ABCA4: variants seen among roughly 807,000 people sequenced by gnomAD.
ABCA4 encodes the protein ATP binding cassette subfamily A member 4.
ABCA4 carries 196 observed loss-of-function variants against 263.7 expected under a neutral mutation model. The ratio of observed to expected loss-of-function variants is 0.74; its 90% CI spans 0.66 to 0.84. ABCA4 has a LOEUF of 0.84. ABCA4 is among the 40% of genes least tolerant of loss of function. The pLI is 0.00. For missense variants in ABCA4, 2,792 were observed against 2,855.1 expected, an observed-to-expected ratio of 0.98 and a Z score of 0.50; for synonymous variants, 1,133 against 1,094.2, an observed-to-expected ratio of 1.04 and a Z score of -0.70.
chr1:94,033,875 T>C (rs1441204659), intron 26 of ABCA4, among the ~76,000 whole-genome samples: 4 of 152,156 alleles, frequency 2.6e-5, no homozygotes, highest in African/African-American at 9.7e-5. Flanking sequence ...ATGTCTTCTA[T>C]GGCTGGCCCT....
chr1:94,029,421 C>A (rs1217120255), intron 30 of ABCA4, 24 bp downstream of exon 30: 3 of 1,536,746 alleles, frequency 2.0e-6, no homozygotes, highest in East Asian at 2.4e-5. Flanking sequence ...AGACCTGGGG[C>A]CCCGTTGTTT....
At chr1:93,997,569 T>C (rs1446324201) in intron 48 of ABCA4, among the ~76,000 whole-genome samples, 2 of 151,570 alleles carry the variant, frequency 1.3e-5, no homozygotes, top group African/African-American at 2.4e-5. Context: ...TACACATCAA[T>C]AAAGCTGATT....
At chr1:94,110,999 C>A (rs1662585568) in intron 3 of ABCA4, among the ~76,000 whole-genome samples, 1 of 152,184 alleles carries the variant, frequency 6.6e-6, no homozygotes, top group African/African-American at 2.4e-5. Context: ...TTTACCTTCC[C>A]AATGCTCCCT....
At position 94,023,389 on chromosome 1, in the gene ABCA4, T is replaced by C. The variant is rs780931193; in HGVS notation, c.4664A>G (p.Gln1555Arg). 2 of 1,607,318 alleles carry C rather than the reference T, an allele frequency of 1.2e-6. No homozygotes were observed. The highest frequency in any genetic ancestry group is 2.7e-5 in the African/African-American group (2 of 74,792). Residue 1555 changes from glutamine to arginine, a missense_variant, in exon 32 of 50, where the codon CAG (glutamine) becomes CGG (arginine). Transcript: ENST00000370225. ...TCTGATAAAAATAGTTTCTTACCTC[T>C]GTTCATTGACCCAGAATTTGCTCTT... Reference protein sequence around the residue: ...SLKSKFWVNEQRYGGISIGGK... With the variant: ...SLKSKFWVNERRYGGISIGGK...
chr1:94,081,180 G>A (rs999647858), intron 7 of ABCA4, among the ~76,000 whole-genome samples: 30 of 152,142 alleles, frequency 2.0e-4, no homozygotes, highest in South Asian at 8.3e-4. Flanking sequence ...AGTAGACATC[G>A]TGCCACTGCA....
intron 6 of ABCA4, among the ~76,000 whole-genome samples, chr1:94,086,169 C>A (rs1217830561): frequency 2.0e-5 from 3 of 152,170 alleles, no homozygotes; most frequent in Non-Finnish European, 4.4e-5. Flanking sequence ...ATCAGAATAA[C>A]AAGCAGATTG....
intron 45 of ABCA4, chr1:94,001,516 G>A: frequency 1.8e-6 from 1 of 561,450 alleles, no homozygotes; most frequent in Non-Finnish European, 3.4e-6. Context: ...CTCAGCTCAG[G>A]AGCCTTTGAC....
chr1:94,030,902 C>T, intron 28 of ABCA4, 94 bp downstream of exon 28: 1 of 1,562,638 alleles, frequency 6.4e-7, no homozygotes, highest in East Asian at 2.3e-5. Flanking sequence ...GGTGAAGGTC[C>T]CAGTGAAGTG....
chr1:94,113,676 AATGACTGTG>A (rs4147875), intron 1 of ABCA4, among the ~76,000 whole-genome samples: 11,605 of 152,286 alleles, frequency 0.076, 577 homozygotes, highest in East Asian at 0.27. Context: ...TGAGTGAATA[AATGACTGTG>A]ATCCATTGCA....
At chr1:94,010,538 A>C in intron 40 of ABCA4, 1 of 587,056 alleles carries the variant, frequency 1.7e-6, no homozygotes, top group Non-Finnish European at 3.1e-6. Flanking sequence ...TTTGGTAATT[A>C]AATGAGAAGG....
chr1:94,112,882 A>T, intron 2 of ABCA4, 91 bp downstream of exon 2: 2 of 899,460 alleles, frequency 2.2e-6, no homozygotes, highest in South Asian at 2.6e-5. Context: ...AGCAGATCTG[A>T]TCCCCACACT....
chr1:94,048,807 C>T (rs942267587), intron 18 of ABCA4, 61 bp downstream of exon 18: 2 of 1,525,162 alleles, frequency 1.3e-6, no homozygotes, highest in African/African-American at 2.7e-5. Context: ...TTGCTCTGGC[C>T]CTCTGCAGTG....
intron 1 of ABCA4, among the ~76,000 whole-genome samples, chr1:94,118,806 C>G (rs4147800): frequency 0.12 from 18,788 of 152,114 alleles, 1,339 homozygotes; most frequent in East Asian, 0.3. Context: ...CCCATGCCAG[C>G]GAAAGGCCAG....
At chr1:94,053,777 T>G (rs1421049421) in intron 16 of ABCA4, among the ~76,000 whole-genome samples, 1 of 152,200 alleles carries the variant, frequency 6.6e-6, no homozygotes, top group Non-Finnish European at 1.5e-5. Context: ...GCCCAGTTAG[T>G]GGTATTTTGT....
At chr1:94,100,582 G>T (rs920497899) in intron 5 of ABCA4, among the ~76,000 whole-genome samples, 74 of 152,308 alleles carry the variant, frequency 4.9e-4, no homozygotes, top group African/African-American at 1.7e-3. Flanking sequence ...CACTGAGGAG[G>T]CAACATCTGA....
chr1:94,003,006 A>AT (rs1004839677), intron 44 of ABCA4, among the ~76,000 whole-genome samples: 23 of 150,546 alleles, frequency 1.5e-4, no homozygotes, highest in Non-Finnish European at 2.5e-4. Context: ...CTCACACACA[A>AT]TTTTTTGTGA....
In ABCA4 at chr1:94,021,694, G is replaced by C. The variant is rs752836422; in HGVS notation, c.4794C>G (p.Ala1598=). Reference sequence around the variant, plus strand: ...TAAGGAAATCAGGTATTTCTTTAGAGGCCTCTCTAGTGATAGGGCCCTAAA... The same window carrying C: ...TAAGGAAATCAGGTATTTCTTTAGACGCCTCTCTAGTGATAGGGCCCTAAA... ...NVSGGPITRE[A]SKEIPDFLKH... Residue 1598 remains alanine (A), a synonymous_variant, in exon 34 of 50, where the codon GCC becomes GCG. Transcript: ENST00000370225. 6.2e-7 allele frequency: 1 copy of C among 1,613,386 alleles called. No individual in the cohort carries two copies. The highest frequency in any genetic ancestry group is 1.3e-5 in the African/African-American group (1 of 75,000).
At chr1:94,034,475 A>T (rs562652769) in intron 26 of ABCA4, among the ~76,000 whole-genome samples, 7 of 152,248 alleles carry the variant, frequency 4.6e-5, no homozygotes, top group Non-Finnish European at 1.0e-4. Context: ...TAACCGTGGC[A>T]GTCAGCCACA....
At chr1:94,100,998 C>T (rs976528547) in intron 5 of ABCA4, among the ~76,000 whole-genome samples, 4 of 152,350 alleles carry the variant, frequency 2.6e-5, no homozygotes, top group African/African-American at 9.6e-5. Context: ...TTGGCTGGAA[C>T]GTGCCTCTGC....
Sources: allele counts gnomAD v4.1 joint callset (sites outside exome capture counted in the v4.1 genomes callset), GRCh38; gene constraint gnomAD v4.1.1; transcripts MANE v1.5; gene names NCBI Gene and HGNC (gene_info 2026-07-23, HGNC 2026-07-21).